ZBTB25: variants seen among roughly 807,000 people sequenced by gnomAD.
ZBTB25 encodes zinc finger and BTB domain containing 25.
Under a neutral mutation model 34.2 loss-of-function variants are expected in ZBTB25, and 20 were observed. The observed-to-expected ratio is 0.58, with a 90% CI of 0.41 to 0.85. ZBTB25 has a LOEUF of 0.85. Among genes scored for constraint, ZBTB25 ranks in the 40% least tolerant of loss-of-function variants. ZBTB25 has a pLI of 0.00. For synonymous variants in ZBTB25, 175 were observed against 186.4 expected, an observed-to-expected ratio of 0.94 and a Z score of 0.50; for missense variants, 437 against 521.8, an observed-to-expected ratio of 0.84 and a Z score of 1.58.
At chr14:64,452,928 C>G (rs1348556504) in intron 2 of ZBTB25, among the ~76,000 whole-genome samples, 1 of 151,198 alleles carries the variant, frequency 6.6e-6, no homozygotes, top group Non-Finnish European at 1.5e-5. Context: ...GCTATGTTGC[C>G]CAGGCTGGTT....
chr14:64,473,570 A>C (rs1184319700), downstream of ZBTB25: 2 of 167,102 alleles, frequency 1.2e-5, no homozygotes, highest in East Asian at 3.8e-4. Context: ...TTCATCCATA[A>C]ATTTCTAACT....
At position 64,484,325 on chromosome 14, in the gene ZBTB25, C is replaced by T. The variant is rs986241093; in HGVS notation, c.*2598G>A. ...GCCCTGAGGCACTTGCTGTCTTATC[C>T]AACCAACCATGTACAACTCTACCTC... On this transcript the variant is annotated 3_prime_UTR_variant, in exon 3 of 3. Coordinates refer to ENST00000608382, the MANE Select transcript of ZBTB25 (RefSeq NM_006977.5). The T allele has an allele frequency of 7.2e-5, 11 of 152,226 alleles. No homozygotes were observed. The highest frequency in any genetic ancestry group is 2.4e-4 in the African/African-American group (10 of 41,436). The allele number at this position is 152,226 out of a possible 1,614,324, so 9.4% of individuals were successfully genotyped here.
chr14:64,483,711 G>T lies in ZBTB25; in HGVS notation c.*3212C>A, dbSNP rs377662659. On this transcript the variant is annotated 3_prime_UTR_variant, in exon 3 of 3. Coordinates refer to ENST00000608382, the MANE Select transcript of ZBTB25 (RefSeq NM_006977.5). ...AATGCCTGCAGACCCGGGCGCGGTG[G>T]CTCATGCCTGTAATCTGAGGCAGGC... is the stretch of plus-strand genomic sequence containing the variant. 2.6e-5 allele frequency: 4 copies of T among 152,146 alleles called. No individual in the cohort carries two copies. The East Asian group carries it at 7.7e-4, about 29-fold the overall frequency. 9.4% of individuals were successfully genotyped at this position (152,146 alleles called of 1,614,324 possible).
At chr14:64,476,373 C>T (rs112199121), downstream of ZBTB25, among the ~76,000 whole-genome samples, 3 of 152,196 alleles carry the variant, frequency 2.0e-5, no homozygotes, top group Non-Finnish European at 2.9e-5. Flanking sequence ...TTGCCTAGGC[C>T]GGAGTGCAGT....
At chr14:64,499,004 A>G (rs1160199152) in intron 1 of ZBTB25, among the ~76,000 whole-genome samples, 1 of 152,188 alleles carries the variant, frequency 6.6e-6, no homozygotes, top group Non-Finnish European at 1.5e-5. Flanking sequence ...ACTGCCTCAG[A>G]AGAACACGGG....
At chr14:64,450,122 T>TA (rs1405132662) in intron 2 of ZBTB25, among the ~76,000 whole-genome samples, 1 of 152,196 alleles carries the variant, frequency 6.6e-6, no homozygotes, top group African/African-American at 2.4e-5. Flanking sequence ...TGCCACTGCT[T>TA]ACTTACAGAG....
chr14:64,476,972 A>T (rs533297121), downstream of ZBTB25, among the ~76,000 whole-genome samples: 42 of 152,336 alleles, frequency 2.8e-4, no homozygotes, highest in Non-Finnish European at 5.3e-4. Context: ...TCATTAAGGT[A>T]TAATTTACAT....
chr14:64,453,659 T>C, intron 2 of ZBTB25: 1 of 755,232 alleles, frequency 1.3e-6, no homozygotes, highest in Non-Finnish European at 2.4e-6. Flanking sequence ...CTTCTGCCCC[T>C]TTTAGGGACT....
downstream of ZBTB25, chr14:64,473,862 T>C (rs1032730399): frequency 6.6e-5 from 11 of 166,888 alleles, no homozygotes; most frequent in Non-Finnish European, 1.2e-4. Flanking sequence ...AACTCTCTTA[T>C]ACATAATTCA....
intron 2 of ZBTB25, chr14:64,460,007 C>A: frequency 7.9e-7 from 1 of 1,273,868 alleles, no homozygotes; most frequent in Non-Finnish European, 1.1e-6. Context: ...AGTTTGCCAT[C>A]TTGGTGTTGC....
intron 2 of ZBTB25, chr14:64,462,134 T>G (rs567578629): frequency 6.6e-6 from 1 of 152,282 alleles, no homozygotes; most frequent in African/African-American, 2.4e-5. Flanking sequence ...CAGCTGAGTT[T>G]TGAAGTTCTG....
At chr14:64,472,652 T>C (rs1474675779) in intron 2 of ZBTB25, 1 of 167,020 alleles carries the variant, frequency 6.0e-6, no homozygotes, top group Non-Finnish European at 1.5e-5. Flanking sequence ...ATTCCGAAAT[T>C]AACTGGTCTC....
rs2078756563 is a variant in ZBTB25, at chr14:64,479,630, A to C, written c.*7293T>G. On this transcript the variant is annotated 3_prime_UTR_variant, in exon 3 of 3. Transcript: ENST00000608382. ...TTGAAGGCCAGAATATAATAAAAAA[A>C]GAGACTTTCTCTGGCCTGACTGCTT... The C allele has an allele frequency of 6.6e-6, 1 of 152,262 alleles. No homozygotes were observed. Among genetic ancestry groups the C allele is most frequent in the Admixed American group, 6.5e-5 (1 of 15,282 alleles). 9.4% of individuals were successfully genotyped at this position (152,262 alleles called of 1,614,324 possible).
At chr14:64,472,091 C>A (rs2078678793) in intron 2 of ZBTB25, 1 of 166,880 alleles carries the variant, frequency 6.0e-6, no homozygotes. Flanking sequence ...CCCAAGAAGT[C>A]AATTTCTTTT....
chr14:64,487,380 G>C lies in ZBTB25; in HGVS notation c.851C>G (p.Pro284Arg). 6.2e-7 allele frequency: 1 copy of C among 1,614,124 alleles called. No individual in the cohort carries two copies. The highest frequency in any genetic ancestry group is 1.1e-5 in the South Asian group (1 of 91,080). Residue 284 changes from proline to arginine, a missense_variant, in exon 3 of 3, where the codon CCC (proline) becomes CGC (arginine). By Grantham distance (103) the Pro-to-Arg change is moderately radical (BLOSUM62 -2). Coordinates refer to ENST00000608382, the MANE Select transcript of ZBTB25 (RefSeq NM_006977.5). ...AAGGGCCTCGCTGTTTTCATTAAGGGGATGCACTTCACCAAGGTCATTACT... is the reference window on the plus strand; with the variant it reads ...AAGGGCCTCGCTGTTTTCATTAAGGCGATGCACTTCACCAAGGTCATTACT... ...LESNDLGEVH[P>R]LNENSEALEC...
chr14:64,484,967 T>C lies in ZBTB25; in HGVS notation c.*1956A>G. On this transcript the variant is annotated 3_prime_UTR_variant, in exon 3 of 3. Transcript: ENST00000608382. The stretch of plus-strand genomic sequence containing the variant: ...GACCCCAAAGAACATACATTTGTTT[T>C]AATTACTCCCAATACAATTGATCTT... 1 of 980,246 alleles carries C rather than the reference T, an allele frequency of 1.0e-6. No individual in the cohort carries two copies. The highest frequency in any genetic ancestry group is 1.2e-6 in the Non-Finnish European group (1 of 825,146). 60.7% of individuals were successfully genotyped at this position (980,246 alleles called of 1,614,324 possible).
chr14:64,493,972 G>A (rs867936593), intron 1 of ZBTB25, among the ~76,000 whole-genome samples: 2 of 152,230 alleles, frequency 1.3e-5, no homozygotes, highest in South Asian at 2.1e-4. Flanking sequence ...CAGGGCTCTA[G>A]AGAGAGCAGA....
At chr14:64,492,881 C>G (rs1187021656) in intron 1 of ZBTB25, among the ~76,000 whole-genome samples, 1 of 152,132 alleles carries the variant, frequency 6.6e-6, no homozygotes. Context: ...CTCAAGATTA[C>G]AGGCTCACAG....
rs1487788650 is a variant in ZBTB25, at chr14:64,485,603, T to C, written c.*1320A>G. On this transcript the variant is annotated 3_prime_UTR_variant, in exon 3 of 3. Coordinates refer to ENST00000608382, the MANE Select transcript of ZBTB25 (RefSeq NM_006977.5). ...ATTTATAGAGGAAAAGCTAACATCA[T>C]GGATCTTAAATGTAGTTATAGAACA... 3.7e-5 allele frequency: 36 copies of C among 985,378 alleles called. No homozygotes were observed. The highest frequency in any genetic ancestry group is 4.3e-5 in the Non-Finnish European group (36 of 829,882). 61.0% of individuals were successfully genotyped at this position (985,378 alleles called of 1,614,324 possible). A position where few individuals can be genotyped will look rare whatever the true frequency, so the allele number is the denominator to read the frequency against.
Sources: allele counts gnomAD v4.1 joint callset (sites outside exome capture counted in the v4.1 genomes callset), GRCh38; gene constraint gnomAD v4.1.1; transcripts MANE v1.5; gene names NCBI Gene and HGNC (gene_info 2026-07-23, HGNC 2026-07-21).